Variants in TRIM37 observed in about 807,000 individuals in gnomAD.
TRIM37 encodes the protein E3 ubiquitin-protein ligase TRIM37.
In TRIM37, 80 loss-of-function variants were observed where a neutral mutation model predicts 129.8. The observed-to-expected ratio is 0.62, with a 90% CI of 0.51 to 0.74. TRIM37 has a LOEUF of 0.74. Among genes scored for constraint, TRIM37 ranks in the 30% least tolerant of loss-of-function variants. The probability of loss-of-function intolerance (pLI) is 0.00; values close to 1 mark genes in which losing one functional copy is unlikely to be tolerated. For synonymous variants in TRIM37, 389 were observed against 387.1 expected (o/e 1.00, Z -0.06); for missense variants, 1,054 against 1,176.5 (o/e 0.90, Z 1.52).
chr17:58,983,019 T>C (rs2143852963), intron 24 of TRIM37: 6 of 1,096,424 alleles, frequency 5.5e-6, no homozygotes, highest in African/African-American at 4.8e-5. Context: ...AAATTTCTAT[T>C]GTTGTCTATT....
Position 59,032,035 on chromosome 17 carries a change from T to C in TRIM37, c.1809A>G (p.Leu603=). The change falls in exon 18 of 24, where the codon TTA becomes TTG. Residue 603 remains leucine (L), a synonymous_variant. Coordinates refer to ENST00000262294, the MANE Select transcript of TRIM37 (RefSeq NM_015294.6). ...GTAAACTACTGGTAGCAGCGGAGCA[T>C]AAATGTGTTCTTCTTGATATTCTAC... ...SSSRISRRTH[L]CSAATSSLLD... 1.9e-6 allele frequency: 3 copies of C among 1,614,178 alleles called. No homozygotes were observed. The highest frequency in any genetic ancestry group is 2.2e-5 in the South Asian group (2 of 91,086).
intron 3 of TRIM37, 86 bp from the exon 4 acceptor site, chr17:59,088,493 C>T: frequency 2.4e-6 from 2 of 837,066 alleles, no homozygotes; most frequent in Non-Finnish European, 4.1e-6. Flanking sequence ...ATAGAGAGCA[C>T]AATAATACTC....
downstream of TRIM37, chr17:58,979,936 C>CA: frequency 2.0e-6 from 3 of 1,525,120 alleles, no homozygotes; most frequent in Non-Finnish European, 1.8e-6. Context: ...CAAGGTAAAA[C>CA]AAATGCTAAT....
intron 4 of TRIM37, chr17:59,087,984 T>A (rs965166251): frequency 1.8e-5 from 10 of 542,634 alleles, no homozygotes; most frequent in African/African-American, 1.7e-4. Context: ...TGTGTCCCCA[T>A]TAAACAGTTA....
intron 8 of TRIM37, among the ~76,000 whole-genome samples, chr17:59,074,398 T>C (rs1328395929): frequency 1.3e-5 from 2 of 152,164 alleles, no homozygotes; most frequent in East Asian, 1.9e-4. Context: ...CCTACAGATA[T>C]ATATGTGTGT....
At chr17:59,037,055 C>T (rs769179554) in intron 17 of TRIM37, among the ~76,000 whole-genome samples, 1 of 152,008 alleles carries the variant, frequency 6.6e-6, no homozygotes, top group Non-Finnish European at 1.5e-5. Flanking sequence ...GCAGAGGTTG[C>T]AGTGAGCCGA....
At chr17:58,989,422 C>T (rs953294376) in intron 24 of TRIM37, among the ~76,000 whole-genome samples, 5 of 151,508 alleles carry the variant, frequency 3.3e-5, no homozygotes, top group East Asian at 1.9e-4. Flanking sequence ...GGTGACAGAG[C>T]GAGACTCTCT....
At chr17:59,075,574 A>AC (rs2042744266) in intron 8 of TRIM37, 73 bp downstream of exon 8, 2 of 1,005,228 alleles carry the variant, frequency 2.0e-6, no homozygotes, top group Non-Finnish European at 2.9e-6. Flanking sequence ...AAAAAAAAAA[A>AC]AAAAAAAAAA....
intron 17 of TRIM37, among the ~76,000 whole-genome samples, chr17:59,038,941 G>A (rs749976652): frequency 2.0e-5 from 3 of 152,120 alleles, no homozygotes; most frequent in South Asian, 2.1e-4. Flanking sequence ...TTCCACAGCC[G>A]TAACTACAGC....
At chr17:59,036,916 C>G (rs1427879874) in intron 17 of TRIM37, among the ~76,000 whole-genome samples, 1 of 151,858 alleles carries the variant, frequency 6.6e-6, no homozygotes, top group Non-Finnish European at 1.5e-5. Context: ...AGTTTGAGAG[C>G]AGCCTGGCCA....
intron 24 of TRIM37, among the ~76,000 whole-genome samples, chr17:58,987,826 G>T (rs564344070): frequency 2.6e-5 from 4 of 152,026 alleles, no homozygotes; most frequent in African/African-American, 9.7e-5. Context: ...TCTGAATTCT[G>T]GTTTTAGGAT....
chr17:59,091,497 T>G (rs1265377194), intron 2 of TRIM37, among the ~76,000 whole-genome samples, 157 bp from the exon 3 acceptor site: 1 of 110,602 alleles, frequency 9.0e-6, no homozygotes, highest in Non-Finnish European at 1.8e-5. Flanking sequence ...TAATATATTA[T>G]TATATAACAT....
intron 22 of TRIM37, among the ~76,000 whole-genome samples, chr17:59,009,698 G>T (rs1476328941): frequency 1.3e-5 from 2 of 152,104 alleles, no homozygotes; most frequent in Non-Finnish European, 2.9e-5. Flanking sequence ...CACCCTCCTT[G>T]GCCTCCCAAA....
At chr17:59,106,072 G>A (rs962410271) in intron 1 of TRIM37, among the ~76,000 whole-genome samples, 2 of 152,198 alleles carry the variant, frequency 1.3e-5, no homozygotes, top group African/African-American at 4.8e-5. Context: ...CATTTGGAAG[G>A]AGATTTAGAT....
downstream of TRIM37, chr17:58,980,449 C>T (rs780978666): frequency 5.6e-6 from 9 of 1,614,000 alleles, no homozygotes; most frequent in African/African-American, 2.7e-5. The surrounding 1 kb of genome is among the most constrained non-coding windows in gnomAD (Gnocchi z 4.7). Context: ...CCCAAATCAA[C>T]GTGCTGGAAG....
In TRIM37 at chr17:58,989,467, T is replaced by C. The variant is rs977281368; in HGVS notation, c.2892-6546A>G. ...AAAAAAAATAAAATTATGTTTACTA[T>C]GTCAAGAAAAATGGTGGATACTATG... On this transcript the variant is annotated intron_variant, in intron 24 of 24. Transcript: ENST00000393066. Among the ~76,000 whole-genome samples the C allele has an allele frequency of 2.0e-5, 3 of 152,062 alleles. 1 individual carries two copies. The highest frequency in any genetic ancestry group is 4.1e-4 in the South Asian group (2 of 4,830).
intron 16 of TRIM37, among the ~76,000 whole-genome samples, chr17:59,044,537 G>C (rs1461605233): frequency 6.6e-6 from 1 of 152,070 alleles, no homozygotes; most frequent in Non-Finnish European, 1.5e-5. Flanking sequence ...ACTCCAGCCT[G>C]GGCGACAAGA....
At chr17:59,071,428 G>C (rs1314589884) in intron 8 of TRIM37, among the ~76,000 whole-genome samples, 3 of 151,862 alleles carry the variant, frequency 2.0e-5, no homozygotes, top group Admixed American at 2.0e-4. Context: ...TGGGATTACA[G>C]GTGGGTGCCA....
At chr17:58,996,765 T>C (rs1346161704), downstream of TRIM37, among the ~76,000 whole-genome samples, 3 of 135,666 alleles carry the variant, frequency 2.2e-5, no homozygotes, top group Admixed American at 7.5e-5. Context: ...TGAGACTCCA[T>C]CAAAAAAAAA....
Sources: allele counts gnomAD v4.1 joint callset (sites outside exome capture counted in the v4.1 genomes callset), GRCh38; gene constraint gnomAD v4.1.1; non-coding constraint Gnocchi (gnomAD v3.1); transcripts MANE v1.5; gene names NCBI Gene and HGNC (gene_info 2026-07-23, HGNC 2026-07-21).